Variants in BLK observed in about 807,000 individuals in gnomAD.
BLK encodes BLK proto-oncogene, Src family tyrosine kinase, also known as tyrosine-protein kinase Blk.
Under a neutral mutation model 61.8 loss-of-function variants are expected in BLK, and 64 were observed. That is an observed-to-expected ratio of 1.03 (90% CI 0.85 to 1.27). BLK has a LOEUF of 1.27. BLK is among the 50% of genes most tolerant of loss of function. The probability of loss-of-function intolerance (pLI) is 0.00; values close to 1 mark genes in which losing one functional copy is unlikely to be tolerated. For synonymous variants in BLK, 351 were observed against 272.0 expected (o/e 1.29, Z -2.86); for missense variants, 853 against 660.5 (o/e 1.29, Z -3.19).
rs371523216 is a variant in BLK at position 11,545,996 on chromosome 8, G to T, written c.124-56G>T. The T allele has an allele frequency of 8.7e-5, 138 of 1,587,950 alleles. No individual in the cohort carries two copies. The African/African-American group carries it at 1.7e-3, about 20-fold the overall frequency. On this transcript the variant is annotated intron_variant, in intron 2 of 12. Transcript: ENST00000259089. ...CCCGGCTCAGCAGTCTCAACCCCCAGGCCCCACCCACGCAGCAGGGACTGA... is the reference window on the plus strand; with the variant it reads ...CCCGGCTCAGCAGTCTCAACCCCCATGCCCCACCCACGCAGCAGGGACTGA...
At chr8:11,533,707 G>T (rs539073384) in intron 1 of BLK, among the ~76,000 whole-genome samples, 50 of 152,062 alleles carry the variant, frequency 3.3e-4, no homozygotes, top group African/African-American at 1.2e-3. Flanking sequence ...AGTTTACAGG[G>T]TCCTCATGAG....
At chr8:11,553,481 C>G in intron 6 of BLK, 1 of 390,522 alleles carries the variant, frequency 2.6e-6, no homozygotes, top group South Asian at 1.9e-5. Flanking sequence ...CTCAGAGCAG[C>G]CAGGCAAGTG....
intron 1 of BLK, among the ~76,000 whole-genome samples, chr8:11,515,240 C>CGGTCT (rs1254941757): frequency 5.3e-5 from 8 of 152,252 alleles, no homozygotes; most frequent in African/African-American, 1.9e-4. Context: ...GAAGTACAGG[C>CGGTCT]GGTCTGGGCT....
intron 1 of BLK, among the ~76,000 whole-genome samples, chr8:11,524,312 C>A (rs948167763): frequency 6.6e-6 from 1 of 152,148 alleles, no homozygotes; most frequent in Admixed American, 6.5e-5. Flanking sequence ...ATACACTGAA[C>A]ATTCACAACG....
At chr8:11,504,370 AG>A (rs1798684239) in intron 1 of BLK, among the ~76,000 whole-genome samples, 1 of 15,282 alleles carries the variant, frequency 6.5e-5, no homozygotes, top group Non-Finnish European at 2.6e-4. Flanking sequence ...GAAGGAAGAA[AG>A]AAAAGAAAAG....
chr8:11,554,359 G>A (rs1053197983), intron 6 of BLK, among the ~76,000 whole-genome samples: 1 of 152,136 alleles, frequency 6.6e-6, no homozygotes, highest in Non-Finnish European at 1.5e-5. Flanking sequence ...TCTTTAGCCA[G>A]AAAATAAAGC....
chr8:11,542,785 C>T (rs984183965), intron 1 of BLK, among the ~76,000 whole-genome samples: 8 of 152,256 alleles, frequency 5.3e-5, no homozygotes, highest in South Asian at 2.1e-4. Flanking sequence ...AAAGCCCCTG[C>T]TGTTTACCAA....
chr8:11,508,353 G>A (rs920699518), intron 1 of BLK, among the ~76,000 whole-genome samples: 31 of 152,326 alleles, frequency 2.0e-4, no homozygotes, highest in African/African-American at 6.7e-4. Flanking sequence ...CATGGGGCGC[G>A]TGCTAGGTGA....
intron 4 of BLK, 32 bp downstream of exon 4, chr8:11,548,157 G>A: frequency 6.4e-7 from 1 of 1,557,560 alleles, no homozygotes; most frequent in East Asian, 2.2e-5. Context: ...CCCTGTCCCT[G>A]CAGGACCCCC....
chr8:11,533,439 G>C (rs991789456), intron 1 of BLK, among the ~76,000 whole-genome samples: 1 of 152,264 alleles, frequency 6.6e-6, no homozygotes, highest in African/African-American at 2.4e-5. Flanking sequence ...ATGATGTCCA[G>C]GGCCTTTTAA....
At chr8:11,501,509 G>A (rs1283225499) in intron 1 of BLK, among the ~76,000 whole-genome samples, 1 of 152,116 alleles carries the variant, frequency 6.6e-6, no homozygotes, top group Non-Finnish European at 1.5e-5. Context: ...AGAGCATGGC[G>A]TCCTGGTAAA....
At chr8:11,546,514 G>A (rs907581653) in intron 3 of BLK, among the ~76,000 whole-genome samples, 1 of 152,122 alleles carries the variant, frequency 6.6e-6, no homozygotes, top group Non-Finnish European at 1.5e-5. Context: ...CCCGCTCCCA[G>A]TCACTTCGAG....
chr8:11,523,567 A>C (rs572360935), intron 1 of BLK, among the ~76,000 whole-genome samples: 1 of 152,328 alleles, frequency 6.6e-6, no homozygotes, highest in South Asian at 2.1e-4. Flanking sequence ...CAAACAAAAA[A>C]AATTAGTAAG....
At chr8:11,525,575 T>A (rs529437039) in intron 1 of BLK, among the ~76,000 whole-genome samples, 71 of 152,366 alleles carry the variant, frequency 4.7e-4, no homozygotes, top group South Asian at 1.0e-3. Flanking sequence ...TATTTACCTA[T>A]CTATTCATTT....
At chr8:11,515,941 G>A (rs1305247526) in intron 1 of BLK, among the ~76,000 whole-genome samples, 1 of 152,260 alleles carries the variant, frequency 6.6e-6, no homozygotes, top group African/African-American at 2.4e-5. Context: ...GGCTTTGGGA[G>A]GCTTTTGTAT....
At chr8:11,536,905 C>T (rs550129197) in intron 1 of BLK, among the ~76,000 whole-genome samples, 6 of 152,308 alleles carry the variant, frequency 3.9e-5, no homozygotes, top group South Asian at 4.2e-4. Context: ...CTGATGGAAT[C>T]GGGTGCATGC....
intron 1 of BLK, among the ~76,000 whole-genome samples, chr8:11,510,605 A>G (rs1238755168): frequency 6.6e-6 from 1 of 151,804 alleles, no homozygotes; most frequent in Non-Finnish European, 1.5e-5. Flanking sequence ...TTTTTAAAAA[A>G]CCCAGCTTTC....
chr8:11,501,335 G>A (rs1165538879), intron 1 of BLK, among the ~76,000 whole-genome samples: 2 of 149,794 alleles, frequency 1.3e-5, no homozygotes, highest in African/African-American at 4.9e-5. Flanking sequence ...GTGCTTTATG[G>A]GAAAGGCTAA....
intron 1 of BLK, among the ~76,000 whole-genome samples, chr8:11,531,465 G>C (rs981758422): frequency 7.2e-5 from 11 of 151,884 alleles, no homozygotes; most frequent in African/African-American, 2.7e-4. Context: ...TTTCCTTCTA[G>C]GTTTTCTTCT....
Sources: allele counts gnomAD v4.1 joint callset (sites outside exome capture counted in the v4.1 genomes callset), GRCh38; gene constraint gnomAD v4.1.1; transcripts MANE v1.5; gene names NCBI Gene and HGNC (gene_info 2026-07-23, HGNC 2026-07-21).